Variants in LRBA observed in about 807,000 individuals in gnomAD.
LRBA encodes LPS responsive beige-like anchor protein.
A neutral mutation model predicts 330.0 loss-of-function variants in LRBA; 176 were observed. The ratio of observed to expected loss-of-function variants is 0.53; its 90% confidence interval spans 0.47 to 0.60. The LOEUF (loss-of-function observed/expected upper bound fraction) is 0.60. LRBA is among the 20% of genes least tolerant of loss of function. The pLI, the probability that LRBA is intolerant of heterozygous loss-of-function variation, is 0.00. For synonymous variants in LRBA, 1,230 were observed against 1,193.0 expected, an observed-to-expected ratio of 1.03 and a Z score of -0.64; for missense variants, 3,259 against 3,444.8, an observed-to-expected ratio of 0.95 and a Z score of 1.35.
intron 44 of LRBA, among the ~76,000 whole-genome samples, chr4:150,463,069 A>C (rs1561212744): frequency 6.6e-6 from 1 of 151,942 alleles, no homozygotes; most frequent in Non-Finnish European, 1.5e-5. Context: ...GCAAAGTACA[A>C]TTTTCAAATA....
intron 37 of LRBA, among the ~76,000 whole-genome samples, chr4:150,665,957 A>G (rs1397089915): frequency 6.6e-6 from 1 of 152,252 alleles, no homozygotes; most frequent in Non-Finnish European, 1.5e-5. Context: ...GCTGAGTGAA[A>G]GAAGACAAAA....
At chr4:150,986,999 T>C (rs947315587) in intron 2 of LRBA, among the ~76,000 whole-genome samples, 30 of 152,232 alleles carry the variant, frequency 2.0e-4, no homozygotes, top group African/African-American at 6.8e-4. Context: ...GTAGAGAAGC[T>C]AGCTGAAAAC....
rs564250369 is a variant in LRBA, at chr4:150,861,004, G to A, written c.2766+6667C>T. Among the ~76,000 whole-genome samples the A allele has an allele frequency of 2.6e-5, 4 of 151,994 alleles. No homozygotes were observed. In the South Asian group the frequency reaches 8.3e-4, roughly 32 times the overall value. Reference sequence around the variant, plus strand: ...TCTATGGTATAGCTTATTACTCCTAGGCTACAAACCTGTATAGCTTATTAC... The same window carrying A: ...TCTATGGTATAGCTTATTACTCCTAAGCTACAAACCTGTATAGCTTATTAC... On this transcript the variant is annotated intron_variant, in intron 22 of 56. Transcript: ENST00000651943.
At chr4:150,777,571 A>G (rs1186291159) in intron 34 of LRBA, among the ~76,000 whole-genome samples, 2 of 152,146 alleles carry the variant, frequency 1.3e-5, no homozygotes, top group Non-Finnish European at 2.9e-5. Context: ...TAAATAGTTG[A>G]CAGAAACACT....
intron 40 of LRBA, among the ~76,000 whole-genome samples, chr4:150,502,042 T>C (rs939124108): frequency 1.3e-5 from 2 of 152,176 alleles, no homozygotes; most frequent in Non-Finnish European, 2.9e-5. Flanking sequence ...ATCAAAAGCT[T>C]GCAGGGCAGA....
chr4:150,474,470 T>G (rs779389968), intron 42 of LRBA, among the ~76,000 whole-genome samples: 38 of 152,122 alleles, frequency 2.5e-4, no homozygotes, highest in Non-Finnish European at 5.0e-4. Flanking sequence ...GTTCTTATAT[T>G]TCAAAATTGT....
At chr4:150,555,756 AACACACACACACACACACACAC>A (rs34497958) in intron 40 of LRBA, among the ~76,000 whole-genome samples, 1 of 144,610 alleles carries the variant, frequency 6.9e-6, no homozygotes, top group Non-Finnish European at 1.5e-5. Flanking sequence ...GTCTTATAAA[AACACACACACACACACACACAC>A]ACACACACAA....
At chr4:150,892,707 T>C (rs1161790501) in intron 17 of LRBA, among the ~76,000 whole-genome samples, 2 of 152,198 alleles carry the variant, frequency 1.3e-5, no homozygotes, top group African/African-American at 4.8e-5. Context: ...GATAGAGAGC[T>C]TGTCTTGGAT....
At position 150,274,457 on chromosome 4, in the gene LRBA, G is replaced by A. The variant is rs138253851; in HGVS notation, c.8468+3396C>T. ...AGCAGAAGACACTAAGATCAGAGGA[G>A]AACTGAAGGAGACAGAGACACAAAA... On this transcript the variant is annotated intron_variant, in intron 56 of 56. Coordinates refer to ENST00000651943, the MANE Select transcript of LRBA (RefSeq NM_001364905.1). 8.0e-3 allele frequency among the ~76,000 whole-genome samples: 1,217 copies of A among 152,118 alleles called. 16 individuals carry two copies. The highest frequency in any genetic ancestry group is 0.028 in the African/African-American group (1,145 of 41,504).
intron 53 of LRBA, among the ~76,000 whole-genome samples, chr4:150,301,622 A>C (rs1729692475): frequency 6.6e-6 from 1 of 152,116 alleles, no homozygotes; most frequent in African/African-American, 2.4e-5. Flanking sequence ...TTTCATACAA[A>C]TATTATACAT....
chr4:150,308,262 G>A (rs1472332183), intron 52 of LRBA, among the ~76,000 whole-genome samples: 4 of 152,060 alleles, frequency 2.6e-5, no homozygotes, highest in Non-Finnish European at 5.9e-5. Flanking sequence ...ATATGATGGT[G>A]GTCCCATGAT....
intron 44 of LRBA, among the ~76,000 whole-genome samples, chr4:150,444,561 G>C (rs1752342424): frequency 6.6e-6 from 1 of 152,122 alleles, no homozygotes. Flanking sequence ...GGCCGAAATG[G>C]TTTGGCACTT....
At chr4:150,461,879 T>G (rs1210006762) in intron 44 of LRBA, among the ~76,000 whole-genome samples, 2 of 151,664 alleles carry the variant, frequency 1.3e-5, no homozygotes, top group Non-Finnish European at 3.0e-5. Context: ...ATTGTCTTGG[T>G]TTCCCTCTCT....
chr4:151,004,520 T>C (rs1185700623), intron 2 of LRBA, among the ~76,000 whole-genome samples: 1 of 152,222 alleles, frequency 6.6e-6, no homozygotes, highest in African/African-American at 2.4e-5. Context: ...TTACTAATGG[T>C]TTATTTCTGA....
chr4:150,650,897 C>G (rs764226945), intron 37 of LRBA, among the ~76,000 whole-genome samples: 24 of 151,926 alleles, frequency 1.6e-4, no homozygotes, highest in Non-Finnish European at 3.2e-4. Context: ...GAGGAGAAAC[C>G]ATCATGTCTA....
At chr4:150,403,382 A>C (rs1370417998) in intron 47 of LRBA, among the ~76,000 whole-genome samples, 1 of 152,224 alleles carries the variant, frequency 6.6e-6, no homozygotes, top group Non-Finnish European at 1.5e-5. Context: ...TCTAGCCATT[A>C]TCATTAGCCC....
Position 150,587,396 on chromosome 4 carries a change from T to C in LRBA, c.6330+652A>G, listed in dbSNP as rs1459543399. Among the ~76,000 whole-genome samples, 2 of 152,202 alleles carry C rather than the reference T, an allele frequency of 1.3e-5. 1 individual carries two copies. The highest frequency in any genetic ancestry group is 1.3e-4 in the Admixed American group (2 of 15,284). ...AACTGTTTCCTCTCAGAGCAAATTA[T>C]ACCATTCTTTTTCTTGAAATAAACC... On this transcript the variant is annotated intron_variant, in intron 40 of 56. Transcript: ENST00000651943.
chr4:150,552,662 A>G (rs1430981619), intron 40 of LRBA, among the ~76,000 whole-genome samples: 1 of 152,192 alleles, frequency 6.6e-6, no homozygotes, highest in Non-Finnish European at 1.5e-5. Context: ...TAACCAAAGG[A>G]TTATAAATCA....
chr4:150,596,091 A>G (rs1389464809), intron 38 of LRBA, among the ~76,000 whole-genome samples: 1 of 151,972 alleles, frequency 6.6e-6, no homozygotes, highest in African/African-American at 2.4e-5. Flanking sequence ...CCATTACAGC[A>G]TGACTTTTAT....
Sources: allele counts gnomAD v4.1 joint callset (sites outside exome capture counted in the v4.1 genomes callset), GRCh38; gene constraint gnomAD v4.1.1; transcripts MANE v1.5; gene names NCBI Gene and HGNC (gene_info 2026-07-23, HGNC 2026-07-21).